The following CDH20 variants were observed in gnomAD, a reference collection of about 807,000 sequenced individuals.
The protein encoded by CDH20 is cadherin 20, also known as cadherin-20.
CDH20 carries 29 observed loss-of-function variants against 74.2 expected under a neutral mutation model. The ratio of observed to expected loss-of-function variants is 0.39; its 90% confidence interval spans 0.29 to 0.53. CDH20 has a LOEUF of 0.53. Ranked by LOEUF, CDH20 falls within the 20% of genes least tolerant of loss-of-function variation. The pLI is 0.69. For missense variants in CDH20, 988 were observed against 1,048.3 expected (o/e 0.94, Z 0.79); for synonymous variants, 469 against 405.4 (o/e 1.16, Z -1.88).
chr18:61,551,378 G>C (rs1250031315), intron 11 of CDH20, among the ~76,000 whole-genome samples: 3 of 152,144 alleles, frequency 2.0e-5, no homozygotes, highest in African/African-American at 4.8e-5. Flanking sequence ...TTAGAATAGA[G>C]GTACAGATAT....
chr18:61,350,590 T>C (rs911372614), intron 1 of CDH20, among the ~76,000 whole-genome samples: 1 of 152,186 alleles, frequency 6.6e-6, no homozygotes, highest in Non-Finnish European at 1.5e-5. Context: ...AGTTGAAGTG[T>C]GAACTGCCCG....
At chr18:61,503,574 A>C (rs2051346) in intron 5 of CDH20, among the ~76,000 whole-genome samples, 141,253 of 152,250 alleles carry the variant, frequency 0.93, 65,698 homozygotes, top group East Asian at 0.99. Flanking sequence ...CTGTAGATGG[A>C]CACACCTGCC....
At chr18:61,402,438 A>G (rs780008763) in intron 1 of CDH20, among the ~76,000 whole-genome samples, 5 of 151,362 alleles carry the variant, frequency 3.3e-5, no homozygotes, top group African/African-American at 4.9e-5. Flanking sequence ...ATTCAAGGGG[A>G]AAAAAAAAGG....
At position 61,554,596 on chromosome 18, in the gene CDH20, C is replaced by A; in HGVS notation, c.2307C>A (p.Asp769Glu). 1 of 1,609,082 alleles carries A rather than the reference C, an allele frequency of 6.2e-7. No homozygotes were observed. The highest frequency in any genetic ancestry group is 8.5e-7 in the Non-Finnish European group (1 of 1,178,424). ...SLSSLQSATS[D>E]SEQSFDFLTD... Reference sequence around the variant, plus strand: ...GCTCCCTGCAGTCGGCCACGTCGGACTCGGAACAGAGCTTCGACTTCCTGA... The same window carrying A: ...GCTCCCTGCAGTCGGCCACGTCGGAATCGGAACAGAGCTTCGACTTCCTGA... Residue 769 changes from aspartate (D) to glutamate (E), a missense_variant, in exon 12 of 12, where the codon GAC becomes GAA. Coordinates refer to ENST00000262717, the MANE Select transcript of CDH20 (RefSeq NM_031891.4).
chr18:61,515,148 C>T (rs919417993), intron 6 of CDH20, among the ~76,000 whole-genome samples: 6 of 152,200 alleles, frequency 3.9e-5, no homozygotes, highest in African/African-American at 9.6e-5. Flanking sequence ...TAGCAATCAG[C>T]GAGACTCCGT....
chr18:61,537,744 A>G (rs187887576), intron 8 of CDH20, among the ~76,000 whole-genome samples: 69 of 152,314 alleles, frequency 4.5e-4, no homozygotes, highest in Non-Finnish European at 9.1e-4. Flanking sequence ...TTAGACAAAC[A>G]CCACTGTTAT....
intron 1 of CDH20, among the ~76,000 whole-genome samples, chr18:61,424,332 T>C (rs1163076887): frequency 6.6e-6 from 1 of 152,262 alleles, no homozygotes; most frequent in African/African-American, 2.4e-5. Flanking sequence ...TTACAAGCAG[T>C]GTGCTACAAG....
At chr18:61,442,214 G>T (rs908790037) in intron 1 of CDH20, among the ~76,000 whole-genome samples, 2 of 151,990 alleles carry the variant, frequency 1.3e-5, no homozygotes, top group African/African-American at 4.8e-5. Context: ...GGCCAGGCAT[G>T]GTGGCATGTG....
intron 1 of CDH20, among the ~76,000 whole-genome samples, chr18:61,335,266 C>A (rs1476421341): frequency 6.6e-6 from 1 of 152,142 alleles, no homozygotes; most frequent in Non-Finnish European, 1.5e-5. Flanking sequence ...GTTGGACATG[C>A]TGAAAGGATT....
chr18:61,482,267 C>T (rs1485680202), intron 1 of CDH20, among the ~76,000 whole-genome samples: 1 of 152,162 alleles, frequency 6.6e-6, no homozygotes, highest in Non-Finnish European at 1.5e-5. Flanking sequence ...TTTTTTATTC[C>T]TGCGTATAAA....
chr18:61,419,770 C>T (rs865899771), intron 1 of CDH20, among the ~76,000 whole-genome samples: 2 of 152,134 alleles, frequency 1.3e-5, no homozygotes, highest in African/African-American at 2.4e-5. Flanking sequence ...CAATGTTTCT[C>T]TTACAATGTA....
chr18:61,447,088 C>T (rs781529234), intron 1 of CDH20, among the ~76,000 whole-genome samples: 1 of 152,142 alleles, frequency 6.6e-6, no homozygotes, highest in Non-Finnish European at 1.5e-5. Context: ...TTTTCTGGGG[C>T]CACAGAACTT....
chr18:61,507,072 T>C (rs552678019), intron 5 of CDH20, among the ~76,000 whole-genome samples: 1 of 152,316 alleles, frequency 6.6e-6, no homozygotes, highest in East Asian at 1.9e-4. Flanking sequence ...ACTAAAAGAT[T>C]TGAATCCAAG....
At chr18:61,405,817 G>A (rs1184107123) in intron 1 of CDH20, among the ~76,000 whole-genome samples, 2 of 152,264 alleles carry the variant, frequency 1.3e-5, no homozygotes, top group South Asian at 2.1e-4. Context: ...CCTTCCAGAG[G>A]ACTGTGCCAC....
At chr18:61,392,102 C>G (rs564711135) in intron 1 of CDH20, among the ~76,000 whole-genome samples, 1 of 152,174 alleles carries the variant, frequency 6.6e-6, no homozygotes, top group East Asian at 1.9e-4. Context: ...CTTGCCTGAT[C>G]TGCTCACACC....
At chr18:61,526,440 CATT>C in intron 6 of CDH20, among the ~76,000 whole-genome samples, 1 of 152,070 alleles carries the variant, frequency 6.6e-6, no homozygotes, top group Admixed American at 6.5e-5. Flanking sequence ...AATGTGCTGC[CATT>C]CAACATATTT....
intron 7 of CDH20, among the ~76,000 whole-genome samples, chr18:61,534,822 A>G (rs1243994669): frequency 6.6e-6 from 1 of 152,220 alleles, no homozygotes; most frequent in Non-Finnish European, 1.5e-5. Flanking sequence ...CAGCATGGTA[A>G]CTGTAGTTCA....
intron 1 of CDH20, among the ~76,000 whole-genome samples, chr18:61,360,839 A>G (rs1235556971): frequency 2.0e-5 from 3 of 152,224 alleles, no homozygotes; most frequent in African/African-American, 7.2e-5. Flanking sequence ...CATTTGCTAA[A>G]GTGGCCATCA....
chr18:61,354,514 C>A (rs1438502245), intron 1 of CDH20, among the ~76,000 whole-genome samples: 2 of 152,112 alleles, frequency 1.3e-5, no homozygotes, highest in Non-Finnish European at 2.9e-5. Context: ...GAGGTTGAGG[C>A]AGGAGAATTG....
Sources: gnomAD v4.1 joint callset for allele counts (sites outside exome capture counted in the v4.1 genomes callset) on GRCh38, gnomAD v4.1.1 for gene constraint, MANE v1.5 for transcripts, NCBI Gene and HGNC (gene_info 2026-07-23, HGNC 2026-07-21) for gene names.